DOCK5: variants seen among roughly 807,000 people sequenced by gnomAD.
DOCK5 encodes dedicator of cytokinesis protein 5.
In DOCK5, 142 loss-of-function variants were observed where a neutral mutation model predicts 251.8. The ratio of observed to expected loss-of-function variants is 0.56; its 90% CI spans 0.49 to 0.65. The LOEUF is 0.65. DOCK5 is among the 30% of genes least tolerant of loss of function. The probability of loss-of-function intolerance (pLI) is 0.00; values close to 1 mark genes in which losing one functional copy is unlikely to be tolerated. For missense variants in DOCK5, 2,111 were observed against 2,312.3 expected (o/e 0.91, Z 1.79); for synonymous variants, 842 against 835.5 (o/e 1.01, Z -0.13).
rs75395874 is a variant in DOCK5 at position 25,377,772 on chromosome 8, A to C, written c.3936+348A>C. Reference sequence around the variant, plus strand: ...AGCCACATGAAGGGACCCATAGGGAACAGTCTGGGAGAATCTCAAGCGTGG... The same window carrying C: ...AGCCACATGAAGGGACCCATAGGGACCAGTCTGGGAGAATCTCAAGCGTGG... On this transcript the variant is annotated intron_variant, in intron 38 of 51. Coordinates refer to ENST00000276440, the MANE Select transcript of DOCK5 (RefSeq NM_024940.8). 7.9e-3 allele frequency among the ~76,000 whole-genome samples: 1,208 copies of C among 152,312 alleles called. 17 individuals are homozygous for C. Among genetic ancestry groups the C allele is most frequent in the African/African-American group, 0.027 (1,115 of 41,562 alleles).
chr8:25,202,254 G>A (rs1801899023), intron 1 of DOCK5, among the ~76,000 whole-genome samples: 1 of 152,112 alleles, frequency 6.6e-6, no homozygotes, highest in Non-Finnish European at 1.5e-5. Flanking sequence ...CTGTCCTCAA[G>A]CGATCCACCT....
intron 11 of DOCK5, among the ~76,000 whole-genome samples, chr8:25,308,370 A>T (rs1245705205): frequency 6.6e-6 from 1 of 152,112 alleles, no homozygotes; most frequent in African/African-American, 2.4e-5. Flanking sequence ...TCTCTTACAG[A>T]TGGAGAAACT....
chr8:25,325,597 C>A (rs1409508837), intron 18 of DOCK5, 50 bp downstream of exon 18: 1 of 1,595,262 alleles, frequency 6.3e-7, no homozygotes, highest in African/African-American at 1.3e-5. Context: ...CTCAGCCTTT[C>A]TGGGCTCCTT....
intron 3 of DOCK5, among the ~76,000 whole-genome samples, chr8:25,274,102 G>A (rs561486072): frequency 6.6e-6 from 1 of 152,156 alleles, no homozygotes; most frequent in South Asian, 2.1e-4. Flanking sequence ...TATTGGCAAC[G>A]GATTAAAAGA....
rs1021870710 is a variant in DOCK5 at position 25,319,699 on chromosome 8, C to T, written c.1542+23C>T. The T allele has an allele frequency of 8.7e-6, 13 of 1,500,254 alleles. No homozygotes were observed. In the African/African-American group the frequency reaches 1.4e-4, roughly 16 times the overall value. The allele number at this position is 1,500,254 out of a possible 1,614,324, so 92.9% of individuals were successfully genotyped here. ...AAGGTGAGAATGAGTCATTTGTAAC[C>T]CCTGTTATCTGTTAAACCTCAGTTA... On this transcript the variant is annotated intron_variant, in intron 15 of 51. Coordinates refer to ENST00000276440, the MANE Select transcript of DOCK5 (RefSeq NM_024940.8).
chr8:25,311,306 G>A (rs1241654192), intron 13 of DOCK5, among the ~76,000 whole-genome samples: 2 of 152,044 alleles, frequency 1.3e-5, no homozygotes, highest in Non-Finnish European at 2.9e-5. Context: ...CACTTTGGGA[G>A]GCTGAGGTGG....
intron 6 of DOCK5, among the ~76,000 whole-genome samples, chr8:25,294,655 G>A (rs776788492): frequency 6.6e-6 from 1 of 152,134 alleles, no homozygotes; most frequent in Non-Finnish European, 1.5e-5. Flanking sequence ...TAGTTGCTGC[G>A]ATAAGAGCTG....
Position 25,345,568 on chromosome 8 carries a change from A to G in DOCK5, c.2711A>G (p.Gln904Arg). ...AAGCCTGACCACGAGGCAAGCTCGC[A>G]GCTTCTGAGCAACATCCTGGAGGTG... ...SNKPDHEASS[Q>R]LLSNILEVLD... The change falls in exon 26 of 52, where the codon CAG becomes CGG. Residue 904 changes from glutamine to arginine, a missense_variant. This residue lies in a region of DOCK5 where 1,717 missense variants were observed against 1,892.4 expected (regional missense o/e 0.91). Coordinates refer to ENST00000276440, the MANE Select transcript of DOCK5 (RefSeq NM_024940.8). The G allele has an allele frequency of 6.2e-7, 1 of 1,613,932 alleles. No individual in the cohort carries two copies. The highest frequency in any genetic ancestry group is 1.1e-5 in the South Asian group (1 of 91,090).
At chr8:25,326,067 AT>A (rs1805556381) in intron 18 of DOCK5, among the ~76,000 whole-genome samples, 1 of 152,150 alleles carries the variant, frequency 6.6e-6, no homozygotes, top group Non-Finnish European at 1.5e-5. Context: ...AGAGGGATTC[AT>A]TTGGTTTTTC....
intron 45 of DOCK5, among the ~76,000 whole-genome samples, chr8:25,399,055 A>T (rs1801393702): frequency 6.6e-6 from 1 of 152,194 alleles, no homozygotes. Flanking sequence ...ACCGAAGGGG[A>T]ATCTGAAGGC....
At chr8:25,330,828 A>T (rs1805664868) in intron 18 of DOCK5, among the ~76,000 whole-genome samples, 1 of 152,018 alleles carries the variant, frequency 6.6e-6, no homozygotes. Context: ...TTTGGGAGGC[A>T]CTCTGGGAGG....
At chr8:25,379,507 G>T (rs1266905233) in intron 38 of DOCK5, among the ~76,000 whole-genome samples, 2 of 152,070 alleles carry the variant, frequency 1.3e-5, no homozygotes, top group East Asian at 1.9e-4. Flanking sequence ...CCAAAAAATC[G>T]CTGTTATTCT....
intron 27 of DOCK5, among the ~76,000 whole-genome samples, chr8:25,355,912 G>A (rs1800558946): frequency 6.6e-6 from 1 of 151,940 alleles, no homozygotes; most frequent in Admixed American, 6.6e-5. Flanking sequence ...TAATAATGGG[G>A]CCTGGCATGG....
chr8:25,411,176 G>C lies in DOCK5; in HGVS notation c.5509-18G>C. The stretch of plus-strand genomic sequence containing the variant: ...AAAGCTAAGACCTGCTTCTAATTTT[G>C]TGTTTCTGCTTCTGCAGCTCGCTCC... On this transcript the variant is annotated intron_variant, in intron 51 of 51. Transcript: ENST00000276440. 1 of 1,535,928 alleles carries C rather than the reference G, an allele frequency of 6.5e-7. No homozygotes were observed. The highest frequency in any genetic ancestry group is 8.7e-7 in the Non-Finnish European group (1 of 1,144,342).
chr8:25,362,828 T>C (rs1418371421), intron 28 of DOCK5, among the ~76,000 whole-genome samples: 1 of 152,184 alleles, frequency 6.6e-6, no homozygotes, highest in African/African-American at 2.4e-5. Flanking sequence ...ATTCTTTTTG[T>C]CCTCATCTTC....
chr8:25,204,521 C>T (rs1031840863), intron 1 of DOCK5, among the ~76,000 whole-genome samples: 80 of 152,266 alleles, frequency 5.3e-4, no homozygotes, highest in African/African-American at 1.8e-3. Context: ...TTAAGCGATG[C>T]CTGTTAGGCC....
intron 5 of DOCK5, among the ~76,000 whole-genome samples, chr8:25,286,361 TCAGTCATAGA>T (rs1257186985): frequency 6.6e-6 from 1 of 152,222 alleles, no homozygotes; most frequent in Non-Finnish European, 1.5e-5. Context: ...GTTTAATGTC[TCAGTCATAGA>T]CTCAAAGACG....
chr8:25,392,797 C>G lies in DOCK5; in HGVS notation c.4442C>G (p.Thr1481Arg). 6.2e-7 allele frequency: 1 copy of G among 1,612,082 alleles called. No homozygotes were observed. Among genetic ancestry groups the G allele is most frequent in the Non-Finnish European group, 8.5e-7 (1 of 1,178,972 alleles). The stretch of plus-strand genomic sequence containing the variant: ...TCATGTTTTCCTTCTTGCCACCAGA[C>G]GATGTGGATTGAACGGACCACGTAT... ...GEKDPDNEFATMWIERTTYTT... is the reference protein window; with the variant it reads ...GEKDPDNEFARMWIERTTYTT... The change falls in exon 44 of 52, where the codon ACG (threonine) becomes AGG (arginine). Residue 1481 changes from threonine to arginine, a missense_variant and splice_region_variant. Thr to Arg is a moderately conservative substitution (Grantham distance 71). Around this residue, in one of 3 missense-constraint regions of DOCK5, gnomAD observed 1,717 missense variants for 1,892.4 expected, o/e 0.91. Transcript: ENST00000276440.
chr8:25,243,354 G>A (rs971572845), intron 1 of DOCK5, among the ~76,000 whole-genome samples: 4 of 147,992 alleles, frequency 2.7e-5, no homozygotes, highest in East Asian at 2.0e-4. Flanking sequence ...TTTTTGAGAC[G>A]GAGTCTCATT....
Sources: gnomAD v4.1 joint callset for allele counts (sites outside exome capture counted in the v4.1 genomes callset) on GRCh38, gnomAD v4.1.1 for gene constraint, gnomAD v4.1.1 regional missense constraint, MANE v1.5 for transcripts, NCBI Gene and HGNC (gene_info 2026-07-23, HGNC 2026-07-21) for gene names.